The following RRN3 variants were observed in gnomAD, a reference collection of about 807,000 sequenced individuals.
The protein encoded by RRN3 is RNA polymerase I-specific transcription initiation factor RRN3.
Under a neutral mutation model 82.3 loss-of-function variants are expected in RRN3, and 38 were observed. That is an observed-to-expected ratio of 0.46 (90% CI 0.36 to 0.61). The LOEUF (loss-of-function observed/expected upper bound fraction) is 0.61, where lower values mean the gene tolerates loss of function less well. Ranked by LOEUF, RRN3 falls within the 20% of genes least tolerant of loss-of-function variation. RRN3 has a pLI of 0.00. For synonymous variants in RRN3, 284 were observed against 284.3 expected (o/e 1.00, Z 0.01); for missense variants, 726 against 793.1 (o/e 0.92, Z 1.02).
At chr16:15,062,017 C>T (rs2044734449) in intron 17 of RRN3, 112 bp from the exon 18 acceptor site, 2 of 1,112,334 alleles carry the variant, frequency 1.8e-6, no homozygotes, top group South Asian at 3.3e-5. Context: ...AAGAAAATAT[C>T]TTAATTTCAA....
chr16:15,062,309 T>C (rs2044747307), intron 17 of RRN3, among the ~76,000 whole-genome samples: 1 of 152,242 alleles, frequency 6.6e-6, no homozygotes, highest in South Asian at 2.1e-4. Context: ...GAGTCATTCT[T>C]GCCCAGTGTT....
chr16:15,062,372 T>C (rs571731967), intron 17 of RRN3, among the ~76,000 whole-genome samples: 2 of 152,028 alleles, frequency 1.3e-5, no homozygotes, highest in Admixed American at 6.5e-5. Context: ...CCTCAACAAA[T>C]GAAACATAAA....
chr16:15,064,077 T>A (rs2044844054), intron 16 of RRN3, among the ~76,000 whole-genome samples: 1 of 152,312 alleles, frequency 6.6e-6, no homozygotes, highest in Non-Finnish European at 1.5e-5. Flanking sequence ...TTAGAAACCA[T>A]AATAAGCAAA....
At chr16:15,090,573 G>A (rs966728010) in intron 3 of RRN3, among the ~76,000 whole-genome samples, 1 of 152,172 alleles carries the variant, frequency 6.6e-6, no homozygotes, top group African/African-American at 2.4e-5. Context: ...AATAGCCAGA[G>A]CAACACAGCA....
chr16:15,090,926 T>G (rs1025253564), intron 3 of RRN3, among the ~76,000 whole-genome samples: 1 of 150,766 alleles, frequency 6.6e-6, no homozygotes, highest in African/African-American at 2.4e-5. Flanking sequence ...GAGAGTTGCA[T>G]GCAGCATGGA....
Position 15,086,470 on chromosome 16 carries a change from G to A in RRN3, c.253-16C>T. 2 of 1,609,738 alleles carry A rather than the reference G, an allele frequency of 1.2e-6. No individual in the cohort carries two copies. Among genetic ancestry groups the A allele is most frequent in the Non-Finnish European group, 1.7e-6 (2 of 1,178,704 alleles). On this transcript the variant is annotated splice_polypyrimidine_tract_variant and intron_variant, in intron 3 of 17. Coordinates refer to ENST00000198767, the MANE Select transcript of RRN3 (RefSeq NM_018427.5). Reference sequence around the variant, plus strand: ...TCTGGTCATCCTTAAGTTAAACAAAGAGTACTTTCAAAATCACAAATCCTC... The same window carrying A: ...TCTGGTCATCCTTAAGTTAAACAAAAAGTACTTTCAAAATCACAAATCCTC...
At position 15,084,706 on chromosome 16, in the gene RRN3, C is replaced by G. The variant is rs772058239; in HGVS notation, c.533-1G>C. ...CATGTGTCAAAATTTGCAGGAAGAT[C>G]TGAAAGGAGAAAAGTTCAGAGTATG... On this transcript the variant is annotated splice_acceptor_variant, in intron 6 of 17. Coordinates refer to ENST00000198767, the MANE Select transcript of RRN3 (RefSeq NM_018427.5). LOFTEE classifies it high-confidence loss of function. The G allele has an allele frequency of 5.6e-6, 9 of 1,611,656 alleles. No homozygotes were observed. The highest frequency in any genetic ancestry group is 7.6e-6 in the Non-Finnish European group (9 of 1,178,068).
At chr16:15,070,943 A>G (rs1306452324) in intron 13 of RRN3, among the ~76,000 whole-genome samples, 178 bp downstream of exon 13, 1 of 152,206 alleles carries the variant, frequency 6.6e-6, no homozygotes, top group Non-Finnish European at 1.5e-5. Context: ...ATATATAAAA[A>G]AGGAGACACT....
chr16:15,094,190 G>C lies in RRN3; in HGVS notation c.44C>G (p.Ala15Gly), dbSNP rs769280987. 2 of 1,601,048 alleles carry C rather than the reference G, an allele frequency of 1.2e-6. No individual in the cohort carries two copies. Among genetic ancestry groups the C allele is most frequent in the East Asian group, 4.5e-5 (2 of 44,436 alleles). The change falls in exon 1 of 18, where the codon GCC becomes GGC. Residue 15 changes from alanine to glycine, a missense_variant. This residue lies in a region of RRN3 where 135 missense variants were observed against 87.4 expected (regional missense o/e 1.55). Coordinates refer to ENST00000198767, the MANE Select transcript of RRN3 (RefSeq NM_018427.5). ...LLHTRLPGDA[A>G]ASSSAVKKLG... ...CTTCTTAACTGCAGAGGACGAAGCG[G>C]CCGCATCTCCCGGCAAACGCGTGTG... is the stretch of plus-strand genomic sequence containing the variant.
At chr16:15,088,881 AG>A (rs2046008547) in intron 3 of RRN3, among the ~76,000 whole-genome samples, 1 of 152,056 alleles carries the variant, frequency 6.6e-6, no homozygotes, top group Admixed American at 6.6e-5. Context: ...GACTCAATGA[AG>A]GAACAACCAT....
intron 3 of RRN3, among the ~76,000 whole-genome samples, chr16:15,090,240 A>T (rs2046078711): frequency 6.7e-6 from 1 of 148,544 alleles, no homozygotes; most frequent in South Asian, 2.1e-4. Flanking sequence ...ATCAGCATGT[A>T]AAAAAAAAAC....
At chr16:15,092,436 G>C in intron 2 of RRN3, 73 bp downstream of exon 2, 1 of 859,190 alleles carries the variant, frequency 1.2e-6, no homozygotes, top group South Asian at 1.4e-5. Context: ...TATTTCTATT[G>C]GTCTTTAGTA....
At chr16:15,079,503 G>A (rs2045606322) in intron 9 of RRN3, among the ~76,000 whole-genome samples, 1 of 152,000 alleles carries the variant, frequency 6.6e-6, no homozygotes. Context: ...TTAACGCCTT[G>A]TTCTCCAATC....
At chr16:15,092,141 T>C (rs1434206278) in intron 2 of RRN3, among the ~76,000 whole-genome samples, 2 of 152,172 alleles carry the variant, frequency 1.3e-5, no homozygotes, top group Admixed American at 6.5e-5. Context: ...GTCACGCCAC[T>C]GCACTCCAGC....
At chr16:15,067,892 G>A (rs1054964694) in intron 15 of RRN3, among the ~76,000 whole-genome samples, 2 of 151,584 alleles carry the variant, frequency 1.3e-5, no homozygotes, top group African/African-American at 4.9e-5. Flanking sequence ...TGAGTAGTTG[G>A]GACTACAGGC....
chr16:15,066,804 C>A (rs2044998286), intron 15 of RRN3, among the ~76,000 whole-genome samples: 1 of 151,614 alleles, frequency 6.6e-6, no homozygotes, highest in African/African-American at 2.4e-5. Context: ...CAGAATGGTA[C>A]ACGCCTTTAT....
chr16:15,074,577 T>C (rs955129764), intron 11 of RRN3, 146 bp downstream of exon 11: 40 of 499,966 alleles, frequency 8.0e-5, no homozygotes, highest in African/African-American at 4.2e-4. Flanking sequence ...GGCAAGTAAC[T>C]TGACCTCTTT....
intron 17 of RRN3, among the ~76,000 whole-genome samples, chr16:15,062,789 G>A (rs1597864028): frequency 6.6e-6 from 1 of 152,192 alleles, no homozygotes; most frequent in African/African-American, 2.4e-5. Flanking sequence ...ATCCAAAAAA[G>A]CCATAGACTC....
chr16:15,064,848 G>A (rs2044889611), intron 16 of RRN3, among the ~76,000 whole-genome samples: 1 of 152,198 alleles, frequency 6.6e-6, no homozygotes, highest in South Asian at 2.1e-4. Flanking sequence ...CCAATTTTGG[G>A]AAAAGCAAAC....
Sources: allele counts gnomAD v4.1 joint callset (sites outside exome capture counted in the v4.1 genomes callset), GRCh38; gene constraint gnomAD v4.1.1; regional missense constraint gnomAD v4.1.1; transcripts MANE v1.5; gene names NCBI Gene and HGNC (gene_info 2026-07-23, HGNC 2026-07-21).